ZGRF1: variants seen among roughly 807,000 people sequenced by gnomAD.
ZGRF1 encodes the protein zinc finger GRF-type containing 1.
A neutral mutation model predicts 203.5 loss-of-function variants in ZGRF1; 196 were observed. The ratio of observed to expected loss-of-function variants is 0.96; its 90% CI spans 0.86 to 1.08. The LOEUF (loss-of-function observed/expected upper bound fraction) is 1.08. Among genes scored for constraint, ZGRF1 ranks in the 50% least tolerant of loss-of-function variants. The pLI is 0.00. For synonymous variants in ZGRF1, 809 were observed against 841.3 expected (o/e 0.96, Z 0.66); for missense variants, 2,326 against 2,416.3 (o/e 0.96, Z 0.78).
At chr4:112,596,151 C>A (rs1748972598) in intron 10 of ZGRF1, among the ~76,000 whole-genome samples, 1 of 152,222 alleles carries the variant, frequency 6.6e-6, no homozygotes, top group East Asian at 1.9e-4. Context: ...GTTCTCCTCT[C>A]AAAATATACA....
intron 6 of ZGRF1, among the ~76,000 whole-genome samples, chr4:112,615,808 T>C (rs2046847857): frequency 6.6e-6 from 1 of 151,732 alleles, no homozygotes; most frequent in Admixed American, 6.6e-5. Flanking sequence ...TAATTTTTTA[T>C]ATTTTTAGTA....
chr4:112,540,163 G>T, intron 26 of ZGRF1, 39 bp from the exon 27 acceptor site: 1 of 1,451,432 alleles, frequency 6.9e-7, no homozygotes, highest in Non-Finnish European at 9.1e-7. Context: ...GTAAGAGATT[G>T]TGAAGAACTT....
At chr4:112,623,735 T>C in intron 4 of ZGRF1, 82 bp downstream of exon 4, 1 of 714,452 alleles carries the variant, frequency 1.4e-6, no homozygotes, top group South Asian at 1.7e-5. Flanking sequence ...ATATTATGAC[T>C]ACACTAACAA....
chr4:112,584,196 C>A (rs777202645), intron 14 of ZGRF1, 22 bp from the exon 15 acceptor site: 10 of 1,489,822 alleles, frequency 6.7e-6, no homozygotes, highest in Admixed American at 2.4e-5. Flanking sequence ...GAAAAAAGAT[C>A]AACATTTAGT....
intron 20 of ZGRF1, among the ~76,000 whole-genome samples, chr4:112,557,455 A>G (rs911147457): frequency 1.3e-4 from 20 of 152,178 alleles, no homozygotes; most frequent in African/African-American, 4.8e-4. Flanking sequence ...GATTACAGGC[A>G]TGAGCCACCA....
intron 16 of ZGRF1, among the ~76,000 whole-genome samples, chr4:112,567,666 C>T (rs1743375494): frequency 6.6e-6 from 1 of 152,166 alleles, no homozygotes; most frequent in Non-Finnish European, 1.5e-5. Context: ...TGGCTCACAC[C>T]TATAATCCCA....
chr4:112,607,312 T>C (rs1017009110), intron 8 of ZGRF1, among the ~76,000 whole-genome samples: 1 of 152,114 alleles, frequency 6.6e-6, no homozygotes. Flanking sequence ...AAAAAAATTT[T>C]TTTTAGAGTT....
chr4:112,561,289 C>T (rs1741930848), intron 18 of ZGRF1: 1 of 328,668 alleles, frequency 3.0e-6, no homozygotes, highest in Admixed American at 4.5e-5. Context: ...GTTAATTATC[C>T]CAAGTACAGA....
At chr4:112,576,641 C>T (rs893763427) in intron 16 of ZGRF1, among the ~76,000 whole-genome samples, 1 of 152,118 alleles carries the variant, frequency 6.6e-6, no homozygotes, top group African/African-American at 2.4e-5. Flanking sequence ...GCACAAGACT[C>T]AGTAGCCGAT....
chr4:112,597,073 G>T (rs1051531983), intron 10 of ZGRF1, among the ~76,000 whole-genome samples: 1 of 151,864 alleles, frequency 6.6e-6, no homozygotes, highest in Admixed American at 6.6e-5. Flanking sequence ...AATTAGCCAG[G>T]TGTGGTGGTG....
chr4:112,591,872 CT>C (rs1204624046), intron 10 of ZGRF1, among the ~76,000 whole-genome samples: 1 of 152,062 alleles, frequency 6.6e-6, no homozygotes, highest in Non-Finnish European at 1.5e-5. Context: ...CTCTGAGGTG[CT>C]GTATATTTAT....
Position 112,578,186 on chromosome 4 carries a change from T to C in ZGRF1, c.4438+3477A>G, listed in dbSNP as rs1560793293. ...TGCTCCTGAATGACTACTGGGTACATAATCAAAGCAGAAATAAAGATGCTC... is the reference window on the plus strand; with the variant it reads ...TGCTCCTGAATGACTACTGGGTACACAATCAAAGCAGAAATAAAGATGCTC... On this transcript the variant is annotated intron_variant, in intron 16 of 27. Transcript: ENST00000505019. 1.6e-5 allele frequency among the ~76,000 whole-genome samples: 2 copies of C among 121,538 alleles called. 1 individual carries two copies. The highest frequency in any genetic ancestry group is 3.7e-5 in the Non-Finnish European group (2 of 54,096). 79.7% of individuals were successfully genotyped at this position (121,538 alleles called of 152,430 possible). A position where few individuals can be genotyped will look rare whatever the true frequency, so the allele number is the denominator to read the frequency against.
At chr4:112,612,627 T>C (rs761369405) in intron 6 of ZGRF1, 39 bp from the exon 7 acceptor site, 26 of 1,278,030 alleles carry the variant, frequency 2.0e-5, no homozygotes, top group Non-Finnish European at 7.8e-6. Flanking sequence ...CATTGTTATA[T>C]ATAGCAGTAC....
In ZGRF1 at chr4:112,606,047, A is replaced by G. The variant is rs1750723974; in HGVS notation, c.2763T>C (p.Val921=). The G allele has an allele frequency of 1.9e-6, 3 of 1,605,974 alleles. No individual in the cohort carries two copies. Among genetic ancestry groups the G allele is most frequent in the Non-Finnish European group, 2.5e-6 (3 of 1,176,706 alleles). ...TTTTTCTCTCTATTTGTTTAGGAAT[A>G]ACAGCTTGAAAAGCAGTCTCTTCTT... ...GSKEETAFQA[V]IPKQIERKTC... is the part of the protein sequence containing the mutation. The change falls in exon 9 of 28, where the codon GTT becomes GTC. Residue 921 remains valine, a synonymous_variant. Transcript: ENST00000505019.
At chr4:112,554,857 T>C (rs1032278489) in intron 20 of ZGRF1, 75 bp from the exon 21 acceptor site, 3 of 729,288 alleles carry the variant, frequency 4.1e-6, no homozygotes, top group Non-Finnish European at 4.5e-6. Flanking sequence ...TAACTGTTAC[T>C]ACAACTAATT....
intron 24 of ZGRF1, among the ~76,000 whole-genome samples, chr4:112,543,243 C>T (rs906851311): frequency 3.9e-5 from 6 of 152,010 alleles, no homozygotes; most frequent in African/African-American, 7.2e-5. Flanking sequence ...TTTCTTCTAC[C>T]GCCTTTCCCA....
chr4:112,597,162 C>T (rs1354676542), intron 10 of ZGRF1, among the ~76,000 whole-genome samples: 2 of 146,144 alleles, frequency 1.4e-5, no homozygotes, highest in East Asian at 2.0e-4. Context: ...TGCAGTGAGC[C>T]GAGATCACAC....
intron 9 of ZGRF1, among the ~76,000 whole-genome samples, chr4:112,605,128 A>G (rs1365126033): frequency 6.6e-6 from 1 of 151,578 alleles, no homozygotes; most frequent in African/African-American, 2.4e-5. Flanking sequence ...TGGGTAATGT[A>G]TACTCCCCAC....
At chr4:112,616,619 G>A (rs1434553695) in intron 6 of ZGRF1, among the ~76,000 whole-genome samples, 6 of 151,202 alleles carry the variant, frequency 4.0e-5, no homozygotes, top group African/African-American at 9.7e-5. Context: ...GGCAGATCAC[G>A]AAGTCAGGAG....
Sources: gnomAD v4.1 joint callset for allele counts (sites outside exome capture counted in the v4.1 genomes callset) on GRCh38, gnomAD v4.1.1 for gene constraint, MANE v1.5 for transcripts, NCBI Gene and HGNC (gene_info 2026-07-23, HGNC 2026-07-21) for gene names.